SNTG1: variants seen among roughly 807,000 people sequenced by gnomAD.
SNTG1 encodes syntrophin gamma 1.
A neutral mutation model predicts 74.7 loss-of-function variants in SNTG1; 39 were observed. That is an observed-to-expected ratio of 0.52 (90% CI 0.40 to 0.68). The LOEUF (loss-of-function observed/expected upper bound fraction) is 0.68, where lower values mean the gene tolerates loss of function less well. Among genes scored for constraint, SNTG1 ranks in the 30% least tolerant of loss-of-function variants. The pLI is 0.00. For missense variants in SNTG1, 685 were observed against 609.5 expected, an observed-to-expected ratio of 1.12 and a Z score of -1.30; for synonymous variants, 254 against 217.1, an observed-to-expected ratio of 1.17 and a Z score of -1.49.
chr8:50,381,586 G>GTA (rs1171380951), intron 2 of SNTG1, among the ~76,000 whole-genome samples: 79 of 137,738 alleles, frequency 5.7e-4, no homozygotes, highest in African/African-American at 1.9e-3. Context: ...GTGTGTGTGT[G>GTA]TGTGTGTATA....
At chr8:50,432,766 TA>T (rs2093252852) in intron 4 of SNTG1, among the ~76,000 whole-genome samples, 1 of 151,926 alleles carries the variant, frequency 6.6e-6, no homozygotes, top group African/African-American at 2.4e-5. Context: ...TTTTATTTTT[TA>T]TTTACATTTT....
chr8:50,582,124 C>G (rs1355481280), intron 12 of SNTG1, among the ~76,000 whole-genome samples: 1 of 152,122 alleles, frequency 6.6e-6, no homozygotes, highest in Non-Finnish European at 1.5e-5. Context: ...GACTCAAGAA[C>G]TTAGAGGGTT....
intron 2 of SNTG1, among the ~76,000 whole-genome samples, chr8:50,249,538 C>G (rs1405017649): frequency 2.0e-5 from 3 of 152,192 alleles, no homozygotes; most frequent in Non-Finnish European, 4.4e-5. Flanking sequence ...ACACCCACCC[C>G]TGCCCCTTAC....
intron 1 of SNTG1, among the ~76,000 whole-genome samples, chr8:50,106,593 T>G (rs2080381187): frequency 6.6e-6 from 1 of 152,162 alleles, no homozygotes; most frequent in Non-Finnish European, 1.5e-5. Context: ...CTTCAATGCC[T>G]AGTTTGTTGA....
intron 16 of SNTG1, among the ~76,000 whole-genome samples, chr8:50,706,345 ATT>A (rs1271147966): frequency 6.6e-6 from 1 of 152,186 alleles, no homozygotes; most frequent in Non-Finnish European, 1.5e-5. Flanking sequence ...CATTTAAAGC[ATT>A]AAAATATAAT....
intron 2 of SNTG1, among the ~76,000 whole-genome samples, chr8:50,261,125 A>G (rs2130099908): frequency 6.6e-6 from 1 of 152,334 alleles, no homozygotes; most frequent in African/African-American, 2.4e-5. Context: ...GCAGAAATTC[A>G]AACACAGATC....
intron 8 of SNTG1, among the ~76,000 whole-genome samples, chr8:50,481,802 A>G (rs1357670626): frequency 1.3e-5 from 2 of 152,188 alleles, no homozygotes. Flanking sequence ...CGTCTCTTTC[A>G]CTAATCAATA....
At chr8:50,004,453 A>G (rs1815025824) in intron 1 of SNTG1, among the ~76,000 whole-genome samples, 2 of 152,128 alleles carry the variant, frequency 1.3e-5, no homozygotes, top group Non-Finnish European at 2.9e-5. Context: ...TCCAGAATCT[A>G]GAGGATCCTC....
rs544984084 is a variant in SNTG1, at chr8:50,460,377, G to T, written c.363+9648G>T. ...TTGTTCCAGTTCTTTAAGGACTCTG[G>T]ATATTAGTCCTTTGTTGGATGCATA... On this transcript the variant is annotated intron_variant, in intron 8 of 18. Coordinates refer to ENST00000642720, the MANE Select transcript of SNTG1 (RefSeq NM_018967.5). 2.0e-5 allele frequency among the ~76,000 whole-genome samples: 3 copies of T among 152,212 alleles called. No individual in the cohort carries two copies. In the East Asian group the frequency reaches 5.8e-4, roughly 29 times the overall value.
intron 17 of SNTG1, among the ~76,000 whole-genome samples, chr8:50,746,435 T>C (rs6983517): frequency 0.42 from 63,189 of 151,700 alleles, 15,612 homozygotes; most frequent in African/African-American, 0.69. Flanking sequence ...ATCTTTGGCC[T>C]ATCTATTCAT....
chr8:49,943,489 C>G (rs536400623), intron 1 of SNTG1, among the ~76,000 whole-genome samples: 7 of 152,238 alleles, frequency 4.6e-5, no homozygotes, highest in Non-Finnish European at 8.8e-5. Context: ...GAACAGAATA[C>G]TTGTTCAGGC....
In SNTG1 at chr8:50,037,682, C is replaced by CTT. The variant is rs1488766587; in HGVS notation, c.-103+125452_-103+125453dup. On this transcript the variant is annotated intron_variant, in intron 1 of 18. Coordinates refer to ENST00000642720, the MANE Select transcript of SNTG1 (RefSeq NM_018967.5). The stretch of plus-strand genomic sequence containing the variant: ...ATTGTCCCTTTAGTAGCCAGTTGTC[C>CTT]TTGGACAAATTCATTAATTATCTTG... Among the ~76,000 whole-genome samples the CTT allele has an allele frequency of 2.0e-5, 3 of 152,262 alleles. No individual in the cohort carries two copies. The South Asian group carries it at 6.2e-4, about 32-fold the overall frequency.
intron 4 of SNTG1, among the ~76,000 whole-genome samples, chr8:50,403,923 T>C (rs528859241): frequency 6.6e-6 from 1 of 152,140 alleles, no homozygotes; most frequent in Non-Finnish European, 1.5e-5. Flanking sequence ...TGCTTAATAA[T>C]CAATGTTGTT....
chr8:50,203,252 G>C (rs1210027218), intron 2 of SNTG1, among the ~76,000 whole-genome samples: 1 of 152,038 alleles, frequency 6.6e-6, no homozygotes, highest in Admixed American at 6.6e-5. Flanking sequence ...ATTTTTCTGA[G>C]AGTTTTTATT....
chr8:50,670,769 A>T (rs574953287), intron 15 of SNTG1, among the ~76,000 whole-genome samples: 4 of 149,894 alleles, frequency 2.7e-5, no homozygotes, highest in Admixed American at 2.7e-4. Flanking sequence ...AGCTGGAGGC[A>T]TCACGCTACC....
intron 17 of SNTG1, among the ~76,000 whole-genome samples, chr8:50,742,648 C>A: frequency 6.6e-6 from 1 of 150,936 alleles, no homozygotes; most frequent in Admixed American, 6.6e-5. Context: ...GACGAGTAGA[C>A]TGAAAGCTAG....
At chr8:50,390,370 G>T (rs557452840) in intron 2 of SNTG1, among the ~76,000 whole-genome samples, 5 of 152,296 alleles carry the variant, frequency 3.3e-5, no homozygotes, top group African/African-American at 1.2e-4. Context: ...TCAAAGATCA[G>T]ATAGTTGTAG....
chr8:50,357,227 G>C (rs954613570), intron 2 of SNTG1, among the ~76,000 whole-genome samples: 1 of 151,930 alleles, frequency 6.6e-6, no homozygotes, highest in Non-Finnish European at 1.5e-5. Context: ...CTTCTCCCTG[G>C]GGTCTCCCCC....
At chr8:50,463,209 G>A (rs755733070) in intron 8 of SNTG1, among the ~76,000 whole-genome samples, 3 of 151,948 alleles carry the variant, frequency 2.0e-5, no homozygotes, top group Non-Finnish European at 2.9e-5. Flanking sequence ...TCCTCCATGG[G>A]GGTTAGAATC....
Sources: gnomAD v4.1 joint callset for allele counts (sites outside exome capture counted in the v4.1 genomes callset) on GRCh38, gnomAD v4.1.1 for gene constraint, MANE v1.5 for transcripts, NCBI Gene and HGNC (gene_info 2026-07-23, HGNC 2026-07-21) for gene names.